PIEZO2: variants seen among roughly 807,000 people sequenced by gnomAD.
The protein encoded by PIEZO2 is piezo type mechanosensitive ion channel component 2.
A neutral mutation model predicts 337.3 loss-of-function variants in PIEZO2; 172 were observed. That is an observed-to-expected ratio of 0.51 (90% CI 0.45 to 0.58). The LOEUF is 0.58. Among genes scored for constraint, PIEZO2 ranks in the 20% least tolerant of loss-of-function variants. The pLI is 0.00. For missense variants in PIEZO2, 3,028 were observed against 3,391.3 expected (o/e 0.89, Z 2.66); for synonymous variants, 1,251 against 1,228.5 (o/e 1.02, Z -0.38).
rs562142571 is a variant in PIEZO2, at chr18:10,716,452, C to G, written c.5090-636G>C. ...CAATTTCCCACCTGTGCTGTCACTACCCTGGTGACACCCAAACCTCAAAAC... is the reference window on the plus strand; with the variant it reads ...CAATTTCCCACCTGTGCTGTCACTAGCCTGGTGACACCCAAACCTCAAAAC... On this transcript the variant is annotated intron_variant, in intron 37 of 55. Coordinates refer to ENST00000674853, the MANE Select transcript of PIEZO2 (RefSeq NM_001378183.1). This position sits in a 1 kb window ranked among gnomAD's most constrained non-coding sequence, Gnocchi z 4.1. 2.6e-5 allele frequency among the ~76,000 whole-genome samples: 4 copies of G among 152,302 alleles called. No individual in the cohort carries two copies. The South Asian group carries it at 8.3e-4, about 32-fold the overall frequency.
intron 31 of PIEZO2, among the ~76,000 whole-genome samples, chr18:10,743,722 T>C (rs1282019665): frequency 6.6e-6 from 1 of 152,208 alleles, no homozygotes; most frequent in Non-Finnish European, 1.5e-5. Flanking sequence ...AATGCTTATA[T>C]CAAGTACTTG....
chr18:11,071,039 CAAAATGCAATAATTTTATTGCAATA>C (rs555023588), intron 1 of PIEZO2, among the ~76,000 whole-genome samples: 49 of 152,150 alleles, frequency 3.2e-4, no homozygotes, highest in African/African-American at 9.6e-4. Context: ...AGGAAAGAAG[CAAAATGCAATAATTTTATTGCAATA>C]AAAATGCAAT....
chr18:10,820,220 C>A (rs542777761), intron 7 of PIEZO2, among the ~76,000 whole-genome samples: 9 of 152,130 alleles, frequency 5.9e-5, no homozygotes, highest in African/African-American at 1.9e-4. Context: ...TATTTTTCAA[C>A]AAATTTGGGA....
At chr18:11,039,163 T>G (rs1417457647) in intron 2 of PIEZO2, among the ~76,000 whole-genome samples, 1 of 152,170 alleles carries the variant, frequency 6.6e-6, no homozygotes, top group Non-Finnish European at 1.5e-5. Context: ...TACATAGAAA[T>G]TCATTAGCAT....
Position 11,024,547 on chromosome 18 carries a change from GAAAAAAA to G in PIEZO2, c.160+41573_160+41579del, listed in dbSNP as rs569472740. Among the ~76,000 whole-genome samples, 138 of 104,064 alleles carry G rather than the reference GAAAAAAA, an allele frequency of 1.3e-3. 2 individuals are homozygous for G. The South Asian group carries it at 0.029, about 22-fold the overall frequency. The allele number at this position is 104,064 out of a possible 152,430, so 68.3% of individuals were successfully genotyped here. A position where few individuals can be genotyped will look rare whatever the true frequency, so the allele number is the denominator to read the frequency against. ...GGCGACAGAGCGAGACTCTGTCTCA[GAAAAAAA>G]AAAAAAAAAGAAAAAAGAAAGTAAA... is the stretch of plus-strand genomic sequence containing the variant. On this transcript the variant is annotated intron_variant, in intron 2 of 55. Coordinates refer to ENST00000674853, the MANE Select transcript of PIEZO2 (RefSeq NM_001378183.1).
chr18:10,700,785 A>G (rs2035297795), intron 43 of PIEZO2, among the ~76,000 whole-genome samples: 1 of 152,242 alleles, frequency 6.6e-6, no homozygotes, highest in Non-Finnish European at 1.5e-5. Flanking sequence ...AATAAATTCA[A>G]GTAATTAACA....
Position 11,073,832 on chromosome 18 carries a change from A to C in PIEZO2, c.65-7610T>G, listed in dbSNP as rs575388295. On this transcript the variant is annotated intron_variant, in intron 1 of 55. Coordinates refer to ENST00000674853, the MANE Select transcript of PIEZO2 (RefSeq NM_001378183.1). The stretch of plus-strand genomic sequence containing the variant: ...ACATTCAAGCTAGAAACGACTTAGA[A>C]GACAAATAACAACTGCTTTTTTTTT... 4.0e-5 allele frequency among the ~76,000 whole-genome samples: 6 copies of C among 150,852 alleles called. No homozygotes were observed. The East Asian group carries it at 1.2e-3, about 30-fold the overall frequency.
At chr18:10,906,992 A>T (rs2029999810) in intron 4 of PIEZO2, among the ~76,000 whole-genome samples, 1 of 152,194 alleles carries the variant, frequency 6.6e-6, no homozygotes, top group Non-Finnish European at 1.5e-5. Context: ...GAAATTGTCC[A>T]AGTCCTCTTT....
rs761864366 is a variant in PIEZO2 at position 10,676,032 on chromosome 18, G to A, written c.8082-744C>T. ...CCCAGTCTCAGGTATGTGTTTATTA[G>A]CGGTATGAGAATGGACTAATACACA... On this transcript the variant is annotated intron_variant, in intron 53 of 55. Transcript: ENST00000674853. The surrounding 1 kb of genome is among the most constrained non-coding windows in gnomAD (Gnocchi z 5.1). Among the ~76,000 whole-genome samples the A allele has an allele frequency of 3.9e-5, 6 of 152,110 alleles. No individual in the cohort carries two copies. Among genetic ancestry groups the A allele is most frequent in the Non-Finnish European group, 7.3e-5 (5 of 68,036 alleles).
intron 7 of PIEZO2, among the ~76,000 whole-genome samples, chr18:10,844,788 C>CAAAAA (rs10709952): frequency 8.6e-6 from 1 of 116,752 alleles, no homozygotes; most frequent in African/African-American, 3.3e-5. Context: ...GACTCTGTCT[C>CAAAAA]AAAAAAAAAA....
chr18:10,693,841 T>C (rs9944796), intron 47 of PIEZO2, among the ~76,000 whole-genome samples: 54,615 of 151,940 alleles, frequency 0.36, 9,833 homozygotes, highest in Non-Finnish European at 0.38. Context: ...CTTTCTTCTC[T>C]GAAATTAAGA....
At chr18:10,994,572 A>AT (rs1276342991) in intron 2 of PIEZO2, among the ~76,000 whole-genome samples, 23 of 148,866 alleles carry the variant, frequency 1.5e-4, no homozygotes, top group African/African-American at 3.9e-4. Flanking sequence ...ACCATGCCTA[A>AT]TTTTTTTTTG....
intron 2 of PIEZO2, among the ~76,000 whole-genome samples, chr18:11,010,114 T>C (rs2035845443): frequency 2.0e-5 from 3 of 152,164 alleles, no homozygotes; most frequent in Admixed American, 2.0e-4. Flanking sequence ...AACCAATAGA[T>C]TCCTAATCAA....
At chr18:10,924,014 A>G (rs2031577886) in intron 3 of PIEZO2, among the ~76,000 whole-genome samples, 1 of 152,222 alleles carries the variant, frequency 6.6e-6, no homozygotes, top group Non-Finnish European at 1.5e-5. Context: ...GATAAATGGT[A>G]GCCACCAGTA....
In PIEZO2 at chr18:11,102,150, T is replaced by C. The variant is rs770460334; in HGVS notation, c.65-35928A>G. Among the ~76,000 whole-genome samples, 2 of 152,180 alleles carry C rather than the reference T, an allele frequency of 1.3e-5. No individual in the cohort carries two copies. The highest frequency in any genetic ancestry group is 2.4e-5 in the African/African-American group (1 of 41,430). On this transcript the variant is annotated intron_variant, in intron 1 of 55. Coordinates refer to ENST00000674853, the MANE Select transcript of PIEZO2 (RefSeq NM_001378183.1). The surrounding 1 kb of genome is among the most constrained non-coding windows in gnomAD (Gnocchi z 5.7). ...CAAAGAGACTGACCGTCTACCATGGTCCCTGGTTGAACAAACACAAATTGT... is the reference window on the plus strand; with the variant it reads ...CAAAGAGACTGACCGTCTACCATGGCCCCTGGTTGAACAAACACAAATTGT...
intron 13 of PIEZO2, chr18:10,791,620 T>C (rs572547345): frequency 1.3e-5 from 3 of 222,278 alleles, no homozygotes; most frequent in African/African-American, 7.0e-5. Context: ...CTGCAACAGG[T>C]GGTCTTCCTT....
At chr18:10,701,036 C>CTGT (rs1253156145) in intron 43 of PIEZO2, among the ~76,000 whole-genome samples, 1 of 152,164 alleles carries the variant, frequency 6.6e-6, no homozygotes, top group Admixed American at 6.5e-5. Flanking sequence ...GTTAAACACA[C>CTGT]TGTTACATAT....
chr18:10,810,091 T>C (rs1484183797), intron 7 of PIEZO2, among the ~76,000 whole-genome samples: 12 of 152,206 alleles, frequency 7.9e-5, no homozygotes, highest in East Asian at 1.9e-4. Flanking sequence ...TGTATACAAA[T>C]GTATTTGGTA....
In PIEZO2 at chr18:10,766,018, G is replaced by A. The variant is rs779628634; in HGVS notation, c.2947-2920C>T. Among the ~76,000 whole-genome samples, 33 of 152,058 alleles carry A rather than the reference G, an allele frequency of 2.2e-4. No individual in the cohort carries two copies. Among genetic ancestry groups the A allele is most frequent in the Middle Eastern group, 3.2e-3 (1 of 316 alleles). On this transcript the variant is annotated intron_variant, in intron 21 of 55. Transcript: ENST00000674853. This position sits in a 1 kb window ranked among gnomAD's most constrained non-coding sequence, Gnocchi z 6.1. Reference sequence around the variant, plus strand: ...GAGGAGGACTAAAGAGCCTCTGTGCGGTGAATATTTTTATTTTTATCATTT... The same window carrying A: ...GAGGAGGACTAAAGAGCCTCTGTGCAGTGAATATTTTTATTTTTATCATTT...
Sources: allele counts gnomAD v4.1 joint callset (sites outside exome capture counted in the v4.1 genomes callset), GRCh38; gene constraint gnomAD v4.1.1; non-coding constraint Gnocchi (gnomAD v3.1); transcripts MANE v1.5; gene names NCBI Gene and HGNC (gene_info 2026-07-23, HGNC 2026-07-21).